Variants in CYP2C19 observed in about 807,000 individuals in gnomAD.
CYP2C19 encodes cytochrome P450 2C19.
CYP2C19 carries 59 observed loss-of-function variants against 40.9 expected under a neutral mutation model. The ratio of observed to expected loss-of-function variants is 1.44; its 90% CI spans 1.17 to 1.79. The LOEUF (loss-of-function observed/expected upper bound fraction) is 1.79, where lower values mean the gene tolerates loss of function less well. CYP2C19 is among the 40% of genes most tolerant of loss of function. CYP2C19 has a pLI of 0.00. For synonymous variants in CYP2C19, 253 were observed against 208.7 expected (o/e 1.21, Z -1.83); for missense variants, 754 against 596.9 (o/e 1.26, Z -2.74).
intron 5 of CYP2C19, among the ~76,000 whole-genome samples, chr10:94,790,926 A>T (rs564794609): frequency 5.9e-5 from 9 of 152,278 alleles, no homozygotes; most frequent in African/African-American, 1.9e-4. Flanking sequence ...TGATTGGAAT[A>T]GTTTCAGAAG....
At chr10:94,800,374 G>T (rs1229239823) in intron 5 of CYP2C19, among the ~76,000 whole-genome samples, 2 of 152,178 alleles carry the variant, frequency 1.3e-5, no homozygotes, top group Non-Finnish European at 2.9e-5. Flanking sequence ...AAATATTGCT[G>T]CCTGCTCCTT....
intron 5 of CYP2C19, among the ~76,000 whole-genome samples, chr10:94,797,658 T>C (rs1016255154): frequency 3.9e-5 from 6 of 152,070 alleles, no homozygotes; most frequent in African/African-American, 7.2e-5. Flanking sequence ...ATTATTGCCT[T>C]AATTTCATAG....
At chr10:94,799,633 C>T (rs1265728598) in intron 5 of CYP2C19, among the ~76,000 whole-genome samples, 3 of 152,142 alleles carry the variant, frequency 2.0e-5, no homozygotes, top group African/African-American at 7.2e-5. Context: ...TCTGGTACAC[C>T]AATCAAATGT....
intron 5 of CYP2C19, among the ~76,000 whole-genome samples, chr10:94,800,498 G>A (rs996671567): frequency 1.3e-5 from 2 of 152,230 alleles, no homozygotes; most frequent in Non-Finnish European, 2.9e-5. Context: ...ACTTGAGGTG[G>A]CAGTCTGTCT....
intron 5 of CYP2C19, among the ~76,000 whole-genome samples, chr10:94,782,516 C>T (rs960034947): frequency 7.2e-5 from 11 of 152,080 alleles, no homozygotes; most frequent in South Asian, 2.1e-4. Flanking sequence ...TTTGTGGGAG[C>T]GTAAATTAGT....
intron 6 of CYP2C19, among the ~76,000 whole-genome samples, chr10:94,835,531 G>A (rs1464594533): frequency 6.6e-6 from 1 of 152,096 alleles, no homozygotes; most frequent in Non-Finnish European, 1.5e-5. Context: ...GGAGGGTTCT[G>A]CCTTGCAGCT....
Position 94,798,814 on chromosome 10 carries a change from ATTTT to A in CYP2C19, c.819+16838_819+16841del, listed in dbSNP as rs61240923. On this transcript the variant is annotated intron_variant, in intron 5 of 8. Transcript: ENST00000371321. ...TCAAAGGGTAGGATTGCAACCCCTG[ATTTT>A]TTTTTTTTTTTTTTTTTTTTGCTGT... Among the ~76,000 whole-genome samples, 171 of 67,682 alleles carry A rather than the reference ATTTT, an allele frequency of 2.5e-3. 2 individuals carry two copies. The East Asian group carries it at 0.029, about 11-fold the overall frequency. The allele number at this position is 67,682 out of a possible 152,430, so 44.4% of individuals were successfully genotyped here.
chr10:94,831,707 A>G (rs1490958096), intron 6 of CYP2C19, among the ~76,000 whole-genome samples: 1 of 152,200 alleles, frequency 6.6e-6, no homozygotes, highest in Non-Finnish European at 1.5e-5. Context: ...TCTTCTTTTG[A>G]GAAATGTCTA....
At chr10:94,777,375 G>A (rs1848422215) in intron 3 of CYP2C19, among the ~76,000 whole-genome samples, 1 of 152,102 alleles carries the variant, frequency 6.6e-6, no homozygotes, top group Non-Finnish European at 1.5e-5. Context: ...CAAAGCTGGA[G>A]GCATCATGCT....
At chr10:94,814,203 G>A (rs1326555548) in intron 5 of CYP2C19, among the ~76,000 whole-genome samples, 5 of 151,760 alleles carry the variant, frequency 3.3e-5, no homozygotes, top group African/African-American at 1.2e-4. Context: ...CTCGCTGGGA[G>A]CTGCTGACTG....
At chr10:94,807,106 C>A (rs1848846082) in intron 5 of CYP2C19, among the ~76,000 whole-genome samples, 1 of 152,070 alleles carries the variant, frequency 6.6e-6, no homozygotes, top group Non-Finnish European at 1.5e-5. Flanking sequence ...GATTAACTTT[C>A]TTAGCTACCA....
At position 94,827,852 on chromosome 10, in the gene CYP2C19, T is replaced by C. The variant is rs531522089; in HGVS notation, c.961+7215T>C. On this transcript the variant is annotated intron_variant, in intron 6 of 8. Transcript: ENST00000371321. ...TGTTTTGAATGCATCCCAGAGATTC[T>C]GGTATGTTGTGTCTTTGTTCTTGTT... 2.6e-5 allele frequency among the ~76,000 whole-genome samples: 4 copies of C among 152,132 alleles called. No individual in the cohort carries two copies. The East Asian group carries it at 7.7e-4, about 29-fold the overall frequency.
chr10:94,804,041 T>C (rs1016224657), intron 5 of CYP2C19, among the ~76,000 whole-genome samples: 3 of 151,930 alleles, frequency 2.0e-5, no homozygotes, highest in African/African-American at 7.3e-5. Context: ...AGGGTCCTTC[T>C]GGACCATTAT....
chr10:94,834,744 T>C (rs1229283164), intron 6 of CYP2C19, among the ~76,000 whole-genome samples: 1 of 152,214 alleles, frequency 6.6e-6, no homozygotes, highest in East Asian at 1.9e-4. Flanking sequence ...TTTTGCCTAA[T>C]TAGCATTTTA....
intron 6 of CYP2C19, among the ~76,000 whole-genome samples, chr10:94,823,396 G>A (rs1483810933): frequency 6.6e-6 from 1 of 152,146 alleles, no homozygotes; most frequent in African/African-American, 2.4e-5. Context: ...AGGCAGATTT[G>A]GTAAGGGTCC....
At chr10:94,774,008 G>A (rs976406670) in intron 1 of CYP2C19, 1 of 152,130 alleles carries the variant, frequency 6.6e-6, no homozygotes, top group African/African-American at 2.4e-5. Flanking sequence ...GCATTGATTG[G>A]TACATTTTTA....
chr10:94,842,934 C>T lies in CYP2C19; in HGVS notation c.1059C>T (p.His353=), dbSNP rs17882744. 2.5e-3 allele frequency: 4,074 copies of T among 1,614,166 alleles called. 17 individuals are homozygous for T. Among genetic ancestry groups the T allele is most frequent in the African/African-American group, 0.014 (1,040 of 75,028 alleles). ...TGCCCTACACAGATGCTGTGGTGCA[C>T]GAGGTCCAGAGATACATCGACCTCA... ...GHMPYTDAVV[H]EVQRYIDLIP... is the part of the protein sequence containing the mutation. Residue 353 remains histidine (H), a synonymous_variant, in exon 7 of 9, where the codon CAC becomes CAT. Transcript: ENST00000371321.
rs542004573 is a variant in CYP2C19 at position 94,853,433 on chromosome 10, G to A, written c.*519G>A. 1.3e-5 allele frequency among the ~76,000 whole-genome samples: 2 copies of A among 152,136 alleles called. No individual in the cohort carries two copies. Among genetic ancestry groups the A allele is most frequent in the African/African-American group, 2.4e-5 (1 of 41,430 alleles). The stretch of plus-strand genomic sequence containing the variant: ...ATTACCAAAATTTAGAGTTACATGA[G>A]GATTGGATTTGAAAGTGAGAAACTG... On this transcript the variant is annotated 3_prime_UTR_variant, in exon 9 of 9. Coordinates refer to ENST00000371321, the MANE Select transcript of CYP2C19 (RefSeq NM_000769.4).
At chr10:94,827,874 T>C (rs9664553) in intron 6 of CYP2C19, among the ~76,000 whole-genome samples, 148,571 of 151,926 alleles carry the variant, frequency 0.98, 72,745 homozygotes, top group East Asian at 1. Flanking sequence ...TCTTTGTTCT[T>C]GTTGGTTTCA....
Sources: gnomAD v4.1 joint callset for allele counts (sites outside exome capture counted in the v4.1 genomes callset) on GRCh38, gnomAD v4.1.1 for gene constraint, MANE v1.5 for transcripts, NCBI Gene and HGNC (gene_info 2026-07-23, HGNC 2026-07-21) for gene names.